Variants in UNC13D observed in about 807,000 individuals in gnomAD.
UNC13D encodes the protein protein unc-13 homolog D.
In UNC13D, 115 loss-of-function variants were observed where a neutral mutation model predicts 151.7. The ratio of observed to expected loss-of-function variants is 0.76; its 90% CI spans 0.65 to 0.88. The LOEUF (loss-of-function observed/expected upper bound fraction) is 0.88, where lower values mean the gene tolerates loss of function less well. Among genes scored for constraint, UNC13D ranks in the 40% least tolerant of loss-of-function variants. The pLI, the probability that UNC13D is intolerant of heterozygous loss-of-function variation, is 0.00. For missense variants in UNC13D, 1,369 were observed against 1,438.7 expected (o/e 0.95, Z 0.78); for synonymous variants, 588 against 612.2 (o/e 0.96, Z 0.58).
At chr17:75,836,168 C>T (rs753980369) in intron 16 of UNC13D, 32 bp downstream of exon 16, 1 of 1,609,890 alleles carries the variant, frequency 6.2e-7, no homozygotes, top group Non-Finnish European at 8.5e-7. Flanking sequence ...CCCCCCGTGA[C>T]CCCCTGCCCT....
In UNC13D at chr17:75,836,055, C is replaced by A; in HGVS notation, c.1501G>T (p.Asp501Tyr). ...CATGTGCGCTGGCACTGGTGCAGGT[C>A]GCCAATGACATCCTGTACCAGGCCC... ...LLGLVQDVIG[D>Y]LHQCQRTWDK... Residue 501 changes from aspartate (D) to tyrosine (Y), a missense_variant, in exon 17 of 32, where the codon GAC (aspartate) becomes TAC (tyrosine). By Grantham distance (160) the Asp-to-Tyr change is radical (BLOSUM62 -3). Transcript: ENST00000207549. 2 of 1,613,906 alleles carry A rather than the reference C, an allele frequency of 1.2e-6. No individual in the cohort carries two copies. The highest frequency in any genetic ancestry group is 1.7e-6 in the Non-Finnish European group (2 of 1,180,026).
At position 75,832,926 on chromosome 17, in the gene UNC13D, G is replaced by A; in HGVS notation, c.2447+40C>T. 1 of 1,547,522 alleles carries A rather than the reference G, an allele frequency of 6.5e-7. No homozygotes were observed. Among genetic ancestry groups the A allele is most frequent in the Non-Finnish European group, 8.8e-7 (1 of 1,140,708 alleles). On this transcript the variant is annotated intron_variant, in intron 25 of 31. Transcript: ENST00000207549. The surrounding 1 kb of genome is among the most constrained non-coding windows in gnomAD (Gnocchi z 4.3). ...AAGGAGGGGCCGTGGGAGGAGAGGG[G>A]GAGGTGGCGAGCGCGCCCAGGGCAG...
At position 75,835,431 on chromosome 17, in the gene UNC13D, T is replaced by C; in HGVS notation, c.1826A>G (p.Gln609Arg). 6.2e-7 allele frequency: 1 copy of C among 1,612,384 alleles called. No individual in the cohort carries two copies. Among genetic ancestry groups the C allele is most frequent in the Non-Finnish European group, 8.5e-7 (1 of 1,179,708 alleles). Residue 609 changes from glutamine (Q) to arginine (R), a missense_variant, in exon 20 of 32, where the codon CAG (glutamine) becomes CGG (arginine). Transcript: ENST00000207549. ...KTYNEALARV[Q>R]RAVQMDELVP... ...CACCTCATCCATCTGCACAGCGCGC[T>C]GCACCCGCGCCAGGGCCTCGTTGTA...
chr17:75,832,989 G>A lies in UNC13D; in HGVS notation c.2424C>T (p.Asn808=). 6.3e-7 allele frequency: 1 copy of A among 1,597,070 alleles called. No individual in the cohort carries two copies. Among genetic ancestry groups the A allele is most frequent in the Admixed American group, 1.8e-5 (1 of 56,706 alleles). The stretch of plus-strand genomic sequence containing the variant: ...ACCTGCTGAAGTTCTCCTGCACCAA[G>A]TTGGTGTTCATGTAGCAAAGCTCCA... ...LEVELCYMNT[N]LVQENFSSLL... Residue 808 remains asparagine, a synonymous_variant, in exon 25 of 32, where the codon AAC becomes AAT. Coordinates refer to ENST00000207549, the MANE Select transcript of UNC13D (RefSeq NM_199242.3). The surrounding 1 kb of genome is among the most constrained non-coding windows in gnomAD (Gnocchi z 4.3).
intron 6 of UNC13D, 59 bp from the exon 7 acceptor site, chr17:75,841,060 C>T: frequency 1.2e-6 from 2 of 1,605,090 alleles, no homozygotes; most frequent in Non-Finnish European, 1.7e-6. Context: ...CCAGACGAAG[C>T]AGTAAGTGAC....
intron 1 of UNC13D, chr17:75,843,788 G>A (rs1458698187): frequency 1.4e-6 from 2 of 1,403,732 alleles, no homozygotes; most frequent in East Asian, 5.3e-5. Flanking sequence ...AGAGGAAACA[G>A]CTCTGCTTAT....
Position 75,834,705 on chromosome 17 carries a change from G to A in UNC13D, c.2004C>T (p.Arg668=), listed in dbSNP as rs1567818411. The A allele has an allele frequency of 6.2e-7, 1 of 1,613,710 alleles. No individual in the cohort carries two copies. The highest frequency in any genetic ancestry group is 8.5e-7 in the Non-Finnish European group (1 of 1,180,028). The part of the protein sequence containing the change: ...ITVKFVEDTC[R]LALVYCSLIK... ...TAAGGCTGCAGTACACCAGGGCCAG[G>A]CGACAGGTGTCCTAGGGTGGGGTTG... Residue 668 remains arginine (R), a synonymous_variant, in exon 22 of 32, where the codon CGC becomes CGT. Coordinates refer to ENST00000207549, the MANE Select transcript of UNC13D (RefSeq NM_199242.3).
rs776391631 is a variant in UNC13D at position 75,833,051 on chromosome 17, G to A, written c.2368-6C>T. 12 of 1,602,298 alleles carry A rather than the reference G, an allele frequency of 7.5e-6. No individual in the cohort carries two copies. The African/African-American group carries it at 1.3e-4, about 18-fold the overall frequency. ...TTCATCAGGGGCAGAATGGCCTGGG[G>A]AGGGAGATGGGGAGCAGGTGTGGCT... is the stretch of plus-strand genomic sequence containing the variant. On this transcript the variant is annotated splice_region_variant and splice_polypyrimidine_tract_variant and intron_variant, in intron 24 of 31. Transcript: ENST00000207549. This position sits in a 1 kb window ranked among gnomAD's most constrained non-coding sequence, Gnocchi z 4.0.
In UNC13D at chr17:75,834,088, A is replaced by G. The variant is rs1328216915; in HGVS notation, c.2354T>C (p.Val785Ala). 1 of 1,613,766 alleles carries G rather than the reference A, an allele frequency of 6.2e-7. No individual in the cohort carries two copies. The part of the protein sequence containing the change: ...IQKLVGVRES[V>A]LPEDAILPLM... Reference sequence around the variant, plus strand: ...AGGGCCACTTACATCCTCAGGCAGGACAGACTCCCTGACGCCCACCAGTTT... The same window carrying G: ...AGGGCCACTTACATCCTCAGGCAGGGCAGACTCCCTGACGCCCACCAGTTT... Residue 785 changes from valine (V) to alanine (A), a missense_variant, in exon 24 of 32, where the codon GTC becomes GCC. Coordinates refer to ENST00000207549, the MANE Select transcript of UNC13D (RefSeq NM_199242.3).
rs765308578 is a variant in UNC13D, at chr17:75,840,338, C to T, written c.754-9G>A. The T allele has an allele frequency of 3.1e-5, 50 of 1,612,960 alleles. No individual in the cohort carries two copies. The highest frequency in any genetic ancestry group is 5.0e-5 in the Admixed American group (3 of 59,968). ...TCTCGGCAGCGCAGGTCCTGACAGG[C>T]GGGGATGCCCAGCCCGTGAGCGTCA... is the stretch of plus-strand genomic sequence containing the variant. On this transcript the variant is annotated splice_polypyrimidine_tract_variant and intron_variant, in intron 9 of 31. Transcript: ENST00000207549. This position sits in a 1 kb window ranked among gnomAD's most constrained non-coding sequence, Gnocchi z 4.6.
In UNC13D at chr17:75,833,401, C is replaced by A; in HGVS notation, c.2368-356G>T. ...CAGTTGTCACGGCCTTCCCTGGCCA[C>A]CATCTAAAAATACAACCCTCTGACA... On this transcript the variant is annotated intron_variant, in intron 24 of 31. Transcript: ENST00000207549. The surrounding 1 kb of genome is among the most constrained non-coding windows in gnomAD (Gnocchi z 4.0). The A allele has an allele frequency of 4.1e-6, 1 of 243,698 alleles. No individual in the cohort carries two copies. The highest frequency in any genetic ancestry group is 8.3e-6 in the Non-Finnish European group (1 of 120,254). 15.1% of individuals were successfully genotyped at this position (243,698 alleles called of 1,614,324 possible).
At position 75,833,152 on chromosome 17, in the gene UNC13D, GA is replaced by G. The variant is rs1211406735; in HGVS notation, c.2368-108del. 1.0e-5 allele frequency: 12 copies of G among 1,156,156 alleles called. No homozygotes were observed. Among genetic ancestry groups the G allele is most frequent in the Non-Finnish European group, 1.4e-5 (11 of 797,114 alleles). The allele number at this position is 1,156,156 out of a possible 1,614,324, so 71.6% of individuals were successfully genotyped here. ...GAAACAGGGCTGGGAACCGTTCTGT[GA>G]GAGCAGTTTGTAGTGTCTGTAAGAG... is the stretch of plus-strand genomic sequence containing the variant. On this transcript the variant is annotated intron_variant, in intron 24 of 31. Transcript: ENST00000207549. This position sits in a 1 kb window ranked among gnomAD's most constrained non-coding sequence, Gnocchi z 4.0.
intron 12 of UNC13D, 112 bp from the exon 13 acceptor site, chr17:75,837,030 A>G: frequency 2.0e-6 from 1 of 498,628 alleles, no homozygotes; most frequent in South Asian, 2.8e-5. Context: ...CAGGCTGAAA[A>G]CTAGTGGCTC....
rs538734085 is a variant in UNC13D, at chr17:75,840,286, C to T, written c.797G>A (p.Arg266His). The stretch of plus-strand genomic sequence containing the variant: ...GCCTCGGTCTGGGTAGGTCTCAGTG[C>T]GGGGTTCCAGGGGGTACCACTGGTC... Reference protein sequence around the residue: ...REDQWYPLEPRTETYPDRGQC... With the variant: ...REDQWYPLEPHTETYPDRGQC... Residue 266 changes from arginine (R) to histidine (H), a missense_variant, in exon 10 of 32, where the codon CGC becomes CAC. By Grantham distance (29) the Arg-to-His change is conservative. Transcript: ENST00000207549. This position sits in a 1 kb window ranked among gnomAD's most constrained non-coding sequence, Gnocchi z 4.6. 24 of 1,613,936 alleles carry T rather than the reference C, an allele frequency of 1.5e-5. No individual in the cohort carries two copies. The highest frequency in any genetic ancestry group is 3.3e-5 in the South Asian group (3 of 91,080).
At position 75,836,602 on chromosome 17, in the gene UNC13D, T is replaced by A. The variant is rs778110090; in HGVS notation, c.1268A>T (p.Asp423Val). 5 of 1,611,544 alleles carry A rather than the reference T, an allele frequency of 3.1e-6. No individual in the cohort carries two copies. In the South Asian group the frequency reaches 5.5e-5, roughly 18 times the overall value. The change falls in exon 14 of 32, where the codon GAC (aspartate) becomes GTC (valine). Residue 423 changes from aspartate (D) to valine (V), a missense_variant. By Grantham distance (152) the Asp-to-Val change is radical. Around this residue, in one of 3 missense-constraint regions of UNC13D, gnomAD observed 550 missense variants for 609.0 expected, o/e 0.90. Coordinates refer to ENST00000207549, the MANE Select transcript of UNC13D (RefSeq NM_199242.3). Reference sequence around the variant, plus strand: ...AAGAGACTGCAGCCGGGCTGGGGAGTCCGAGACAGAGAGGGGGAAGACAGA... The same window carrying A: ...AAGAGACTGCAGCCGGGCTGGGGAGACCGAGACAGAGAGGGGGAAGACAGA... ...FRSVFPLSVS[D>V]SPARLQSLLR...
chr17:75,827,240 G>A lies in UNC13D; in HGVS notation c.*725C>T, dbSNP rs780651639. On this transcript the variant is annotated 3_prime_UTR_variant, in exon 32 of 32. Coordinates refer to ENST00000207549, the MANE Select transcript of UNC13D (RefSeq NM_199242.3). ...CAAAGGCATATTTTAAGAGGACAAT[G>A]GATTTGTTTTTATTAATTTTTTTGC... The A allele has an allele frequency of 7.4e-5, 30 of 405,202 alleles. No individual in the cohort carries two copies. The highest frequency in any genetic ancestry group is 6.4e-4 in the Middle Eastern group (1 of 1,564). The allele number at this position is 405,202 out of a possible 1,614,324, so 25.1% of individuals were successfully genotyped here. A position where few individuals can be genotyped will look rare whatever the true frequency, so the allele number is the denominator to read the frequency against.
chr17:75,841,976 T>C (rs1274477656), intron 6 of UNC13D, among the ~76,000 whole-genome samples: 2 of 151,926 alleles, frequency 1.3e-5, no homozygotes, highest in African/African-American at 4.8e-5. Flanking sequence ...CTCAATCTCC[T>C]GACCTCATGA....
At chr17:75,828,233 A>T (rs1377240796) in intron 31 of UNC13D, 147 bp from the exon 32 acceptor site, 3 of 1,277,322 alleles carry the variant, frequency 2.3e-6, no homozygotes, top group Non-Finnish European at 2.1e-6. Context: ...GCGCCAGCCC[A>T]GCCCAGGAGG....
At position 75,835,838 on chromosome 17, in the gene UNC13D, ACG is replaced by A; in HGVS notation, c.1596+15_1596+16del. The A allele has an allele frequency of 6.2e-7, 1 of 1,614,006 alleles. No individual in the cohort carries two copies. Among genetic ancestry groups the A allele is most frequent in the South Asian group, 1.1e-5 (1 of 91,080 alleles). The stretch of plus-strand genomic sequence containing the variant: ...CTCTGTTGGAGGGCATGCCCTAGAG[ACG>A]GGGGAGGGACTCACCAGCCACTGCA... On this transcript the variant is annotated intron_variant, in intron 18 of 31. Coordinates refer to ENST00000207549, the MANE Select transcript of UNC13D (RefSeq NM_199242.3).
Sources: gnomAD v4.1 joint callset for allele counts (sites outside exome capture counted in the v4.1 genomes callset) on GRCh38, gnomAD v4.1.1 for gene constraint, gnomAD v4.1.1 regional missense constraint, Gnocchi (gnomAD v3.1) non-coding constraint, MANE v1.5 for transcripts, NCBI Gene and HGNC (gene_info 2026-07-23, HGNC 2026-07-21) for gene names.